Variants in ZNF575 observed in about 807,000 individuals in gnomAD.
ZNF575 encodes zinc finger protein 575.
In ZNF575, 17 loss-of-function variants were observed where a neutral mutation model predicts 17.5. The observed-to-expected ratio is 0.97, with a 90% CI of 0.66 to 1.45. The LOEUF (loss-of-function observed/expected upper bound fraction) is 1.45. Ranked by LOEUF, ZNF575 falls within the 40% of genes most tolerant of loss-of-function variation. The pLI is 0.00. For missense variants in ZNF575, 352 were observed against 359.2 expected (o/e 0.98, Z 0.16); for synonymous variants, 146 against 158.3 (o/e 0.92, Z 0.58).
In ZNF575 at chr19:43,534,437, C is replaced by G. The variant is rs772161931; in HGVS notation, c.15C>G (p.Gly5=). MLER[G]AESAAGATDP... is the part of the protein sequence containing the mutation. ...GTGCCAGCAAGATGCTGGAGCGAGG[C>G]GCGGAGTCCGCGGCCGGGGCTACCG... Residue 5 remains glycine (G), a synonymous_variant, in exon 3 of 4, where the codon GGC becomes GGG. Transcript: ENST00000314228. The G allele has an allele frequency of 3.2e-6, 5 of 1,552,220 alleles. No individual in the cohort carries two copies. Among genetic ancestry groups the G allele is most frequent in the Non-Finnish European group, 4.3e-6 (5 of 1,150,296 alleles).
Position 43,535,406 on chromosome 19 carries a change from C to G in ZNF575, c.457C>G (p.Pro153Ala). The G allele has an allele frequency of 6.3e-7, 1 of 1,589,252 alleles. No homozygotes were observed. Among genetic ancestry groups the G allele is most frequent in the Non-Finnish European group, 8.6e-7 (1 of 1,162,526 alleles). The change falls in exon 4 of 4, where the codon CCC becomes GCC. Residue 153 changes from proline to alanine, a missense_variant. Physicochemically the swap from Pro to Ala is conservative, Grantham distance 27. Coordinates refer to ENST00000314228, the MANE Select transcript of ZNF575 (RefSeq NM_174945.3). ...PTRPYPCPDC[P>A]KSFCYPSKLA... ...CCGCCCCTACCCGTGCCCCGACTGCCCCAAGTCCTTCTGCTACCCTTCCAA... is the reference window on the plus strand; with the variant it reads ...CCGCCCCTACCCGTGCCCCGACTGCGCCAAGTCCTTCTGCTACCCTTCCAA...
upstream of ZNF575, among the ~76,000 whole-genome samples, chr19:43,530,845 A>C (rs1447456067): frequency 6.6e-6 from 1 of 152,178 alleles, no homozygotes; most frequent in African/African-American, 2.4e-5. Flanking sequence ...ATGGGGATTA[A>C]ATAAATTAAT....
chr19:43,534,991 G>A, intron 3 of ZNF575, 38 bp from the exon 4 acceptor site: 1 of 1,397,524 alleles, frequency 7.2e-7, no homozygotes, highest in Non-Finnish European at 9.2e-7. Context: ...CAGGGCGTTG[G>A]CTGCTTCCTG....
At position 43,535,933 on chromosome 19, in the gene ZNF575, A is replaced by G; in HGVS notation, c.*246A>G. The G allele has an allele frequency of 1.8e-6, 1 of 543,920 alleles. No individual in the cohort carries two copies. Among genetic ancestry groups the G allele is most frequent in the South Asian group, 2.5e-5 (1 of 39,762 alleles). 33.7% of individuals were successfully genotyped at this position (543,920 alleles called of 1,614,324 possible). ...CAGCGCTGGCTCTGCTTCTCCCCAC[A>G]CACTTACATGGCAAAGGTAAAAAGT... On this transcript the variant is annotated 3_prime_UTR_variant, in exon 4 of 4. Coordinates refer to ENST00000314228, the MANE Select transcript of ZNF575 (RefSeq NM_174945.3).
intron 3 of ZNF575, 56 bp downstream of exon 3, chr19:43,534,557 A>G (rs570350257): frequency 7.3e-7 from 1 of 1,376,416 alleles, no homozygotes; most frequent in Non-Finnish European, 9.5e-7. Flanking sequence ...GGGCCAAAAT[A>G]ATCACATTCT....
chr19:43,535,956 A>T lies in ZNF575; in HGVS notation c.*269A>T. ...ACACACTTACATGGCAAAGGTAAAA[A>T]GTCTGCTACTATCGTGGGTTGATGA... On this transcript the variant is annotated 3_prime_UTR_variant, in exon 4 of 4. Coordinates refer to ENST00000314228, the MANE Select transcript of ZNF575 (RefSeq NM_174945.3). 1 of 495,570 alleles carries T rather than the reference A, an allele frequency of 2.0e-6. No individual in the cohort carries two copies. The highest frequency in any genetic ancestry group is 3.6e-6 in the Non-Finnish European group (1 of 276,798). The allele number at this position is 495,570 out of a possible 1,614,324, so 30.7% of individuals were successfully genotyped here.
At chr19:43,531,524 G>T (rs1972343550), upstream of ZNF575, among the ~76,000 whole-genome samples, 2 of 152,166 alleles carry the variant, frequency 1.3e-5, no homozygotes, top group African/African-American at 4.8e-5. Flanking sequence ...AGAGGTTGCA[G>T]TGAGCCAAGA....
At chr19:43,531,903 C>G, upstream of ZNF575, 1 of 541,800 alleles carries the variant, frequency 1.8e-6, no homozygotes, top group Non-Finnish European at 3.4e-6. Flanking sequence ...TCCCTACCCC[C>G]GTGAAATAGC....
chr19:43,535,779 C>T lies in ZNF575; in HGVS notation c.*92C>T. The stretch of plus-strand genomic sequence containing the variant: ...ACCGACTGTATGAGCTCGCCTCTTC[C>T]AGATAGCTGGCAGAGGGCAGGGCAA... On this transcript the variant is annotated 3_prime_UTR_variant, in exon 4 of 4. Coordinates refer to ENST00000314228, the MANE Select transcript of ZNF575 (RefSeq NM_174945.3). 2 of 1,407,994 alleles carry T rather than the reference C, an allele frequency of 1.4e-6. No homozygotes were observed. Among genetic ancestry groups the T allele is most frequent in the Non-Finnish European group, 1.9e-6 (2 of 1,061,150 alleles). The allele number at this position is 1,407,994 out of a possible 1,614,324, so 87.2% of individuals were successfully genotyped here. A position where few individuals can be genotyped will look rare whatever the true frequency, so the allele number is the denominator to read the frequency against.
Position 43,535,117 on chromosome 19 carries a change from GC to G in ZNF575, c.173del (p.Pro58ArgfsTer26), listed in dbSNP as rs1204429302. ...GCTCGCCTCCCCGGCCTCGCCGGCG[GC>G]CCCCGCCCCAGCGCCCGCACCGCTG... ...AGSPPRPRRRPPPQRPHRCPD... is the reference protein window; with the variant it reads ...AGSPPRPRRRXPPQRPHRCPD... On this transcript the variant is annotated frameshift_variant, in exon 4 of 4. Coordinates refer to ENST00000314228, the MANE Select transcript of ZNF575 (RefSeq NM_174945.3). LOFTEE classifies it high-confidence loss of function. The G allele has an allele frequency of 2.0e-6, 3 of 1,530,734 alleles. No homozygotes were observed. 94.8% of individuals were successfully genotyped at this position (1,530,734 alleles called of 1,614,324 possible).
Position 43,535,289 on chromosome 19 carries a change from A to G in ZNF575, c.340A>G (p.Ser114Gly). Residue 114 changes from serine (S) to glycine (G), a missense_variant, in exon 4 of 4, where the codon AGC becomes GGC. Ser to Gly is a moderately conservative substitution (Grantham distance 56). Coordinates refer to ENST00000314228, the MANE Select transcript of ZNF575 (RefSeq NM_174945.3). ...GCTGGCAGCCCACCGCCTCACGCAC[A>G]GCGGCGCCCGCCCGCACCCGTGCCC... ...SKLAAHRLTH[S>G]GARPHPCPHC... 2 of 1,581,244 alleles carry G rather than the reference A, an allele frequency of 1.3e-6. No individual in the cohort carries two copies. Among genetic ancestry groups the G allele is most frequent in the Non-Finnish European group, 1.7e-6 (2 of 1,167,124 alleles).
At chr19:43,531,942 C>CTTTTTTTTT (rs869122064), upstream of ZNF575, 92 of 107,290 alleles carry the variant, frequency 8.6e-4, 5 homozygotes, top group South Asian at 2.7e-3. Flanking sequence ...TTAAGCCAGA[C>CTTTTTTTTT]TTTTTTTTTT....
At position 43,534,390 on chromosome 19, in the gene ZNF575, C is replaced by A; in HGVS notation, c.-33C>A. ...GTCATCACCGGCGTCACCCCCGCCC[C>A]GCGCCCTGCCCCTAGGTTCCTGTGC... is the stretch of plus-strand genomic sequence containing the variant. On this transcript the variant is annotated 5_prime_UTR_variant, in exon 3 of 4. Transcript: ENST00000314228. 6.5e-7 allele frequency: 1 copy of A among 1,541,248 alleles called. No homozygotes were observed. Among genetic ancestry groups the A allele is most frequent in the Admixed American group, 2.0e-5 (1 of 49,058 alleles).
upstream of ZNF575, among the ~76,000 whole-genome samples, chr19:43,532,744 G>A (rs1972359067): frequency 6.6e-6 from 1 of 152,194 alleles, no homozygotes; most frequent in Non-Finnish European, 1.5e-5. Context: ...AGAATGCTAA[G>A]CTGCATGCCA....
At position 43,536,031 on chromosome 19, in the gene ZNF575, C is replaced by A; in HGVS notation, c.*344C>A. The A allele has an allele frequency of 3.4e-6, 1 of 298,320 alleles. No individual in the cohort carries two copies. 18.5% of individuals were successfully genotyped at this position (298,320 alleles called of 1,614,324 possible). On this transcript the variant is annotated 3_prime_UTR_variant, in exon 4 of 4. Transcript: ENST00000314228. ...TGTTAAAAGTTTAAACTGGTGTCTC[C>A]ACTTTGGCCATATGACGGTATCTAA... is the stretch of plus-strand genomic sequence containing the variant.
At chr19:43,534,922 C>CA (rs1306743451) in intron 3 of ZNF575, 107 bp from the exon 4 acceptor site, 5 of 1,096,592 alleles carry the variant, frequency 4.6e-6, no homozygotes, top group African/African-American at 3.3e-5. Flanking sequence ...TTGAGGTGCC[C>CA]AGGTACACTT....
intron 3 of ZNF575, among the ~76,000 whole-genome samples, 192 bp downstream of exon 3, chr19:43,534,693 G>A (rs1972389523): frequency 6.6e-6 from 1 of 152,182 alleles, no homozygotes; most frequent in Non-Finnish European, 1.5e-5. Context: ...ATTTGCTAAG[G>A]CTCAGGAAAT....
Position 43,535,832 on chromosome 19 carries a change from G to A in ZNF575, c.*145G>A, listed in dbSNP as rs1030789769. ...GATTGGCCATTTATACTGGGCTCGA[G>A]CTCAGAAGCCCGAGGAACTCTTTGC... On this transcript the variant is annotated 3_prime_UTR_variant, in exon 4 of 4. Transcript: ENST00000314228. The A allele has an allele frequency of 2.6e-5, 24 of 926,208 alleles. No homozygotes were observed. Among genetic ancestry groups the A allele is most frequent in the Non-Finnish European group, 3.5e-5 (22 of 634,216 alleles). 57.4% of individuals were successfully genotyped at this position (926,208 alleles called of 1,614,324 possible). A position where few individuals can be genotyped will look rare whatever the true frequency, so the allele number is the denominator to read the frequency against.
chr19:43,535,812 G>C lies in ZNF575; in HGVS notation c.*125G>C. ...TGGCAGAGGGCAGGGCAAGGGATTG[G>C]CCATTTATACTGGGCTCGAGCTCAG... is the stretch of plus-strand genomic sequence containing the variant. On this transcript the variant is annotated 3_prime_UTR_variant, in exon 4 of 4. Transcript: ENST00000314228. The C allele has an allele frequency of 8.5e-7, 1 of 1,177,844 alleles. No homozygotes were observed. The highest frequency in any genetic ancestry group is 1.2e-6 in the Non-Finnish European group (1 of 860,608). The allele number at this position is 1,177,844 out of a possible 1,614,324, so 73.0% of individuals were successfully genotyped here. A position where few individuals can be genotyped will look rare whatever the true frequency, so the allele number is the denominator to read the frequency against.
Sources: gnomAD v4.1 joint callset for allele counts (sites outside exome capture counted in the v4.1 genomes callset) on GRCh38, gnomAD v4.1.1 for gene constraint, MANE v1.5 for transcripts, NCBI Gene and HGNC (gene_info 2026-07-23, HGNC 2026-07-21) for gene names.